The following DGKG variants were observed in gnomAD, a reference collection of about 807,000 sequenced individuals.
DGKG encodes the protein DAG kinase gamma.
DGKG carries 78 observed loss-of-function variants against 105.3 expected under a neutral mutation model. The observed-to-expected ratio is 0.74, with a 90% CI of 0.62 to 0.89. The LOEUF (loss-of-function observed/expected upper bound fraction) is 0.89. DGKG is among the 40% of genes least tolerant of loss of function. DGKG has a pLI of 0.00. For missense variants in DGKG, 958 were observed against 1,020.1 expected (o/e 0.94, Z 0.83); for synonymous variants, 346 against 367.1 (o/e 0.94, Z 0.66).
Position 186,328,964 on chromosome 3 carries a change from G to A in DGKG, c.-248-8257C>T, listed in dbSNP as rs534473916. On this transcript the variant is annotated intron_variant, in intron 1 of 24. Transcript: ENST00000265022. ...CAGATGGTATCCCACGTGACAGCCC[G>A]CCTCTGCCTTCTGCCCTTTGATGAA... Among the ~76,000 whole-genome samples the A allele has an allele frequency of 2.5e-4, 38 of 152,154 alleles. No homozygotes were observed. The South Asian group carries it at 7.3e-3, about 29-fold the overall frequency.
At chr3:186,165,796 G>A (rs191589986) in intron 22 of DGKG, among the ~76,000 whole-genome samples, 7 of 152,370 alleles carry the variant, frequency 4.6e-5, no homozygotes, top group Admixed American at 2.6e-4. Flanking sequence ...TGTGAAAGCA[G>A]TAGCAGGATT....
intron 21 of DGKG, among the ~76,000 whole-genome samples, chr3:186,202,693 A>T (rs1403428360): frequency 6.6e-6 from 1 of 152,252 alleles, no homozygotes; most frequent in Non-Finnish European, 1.5e-5. Flanking sequence ...GGGCTGGGAC[A>T]GAAGTTGGCT....
At chr3:186,268,965 C>T (rs747135891) in intron 11 of DGKG, 48 bp from the exon 12 acceptor site, 3 of 1,373,054 alleles carry the variant, frequency 2.2e-6, no homozygotes, top group South Asian at 1.2e-5. Context: ...AGAACCATGT[C>T]CCCGGGGCCC....
At chr3:186,161,563 A>G (rs1560076010) in intron 24 of DGKG, 40 bp downstream of exon 24, 1 of 1,613,842 alleles carries the variant, frequency 6.2e-7, no homozygotes, top group Non-Finnish European at 8.5e-7. Flanking sequence ...GCTCAAAAAT[A>G]AGGCTTCTCA....
chr3:186,290,438 A>T (rs1376409918), intron 5 of DGKG, among the ~76,000 whole-genome samples: 1 of 152,202 alleles, frequency 6.6e-6, no homozygotes, highest in African/African-American at 2.4e-5. Flanking sequence ...TCTATCAGTG[A>T]CTTCTACCTT....
At chr3:186,261,494 G>A (rs1721772054) in intron 15 of DGKG, among the ~76,000 whole-genome samples, 1 of 152,170 alleles carries the variant, frequency 6.6e-6, no homozygotes, top group African/African-American at 2.4e-5. Flanking sequence ...TGTGAGAGGA[G>A]GAATGATAAT....
rs139929960 is a variant in DGKG, at chr3:186,152,340, C to T, written c.2278-2152G>A. Among the ~76,000 whole-genome samples, 750 of 152,180 alleles carry T rather than the reference C, an allele frequency of 4.9e-3. 1 individual carries two copies. The highest frequency in any genetic ancestry group is 7.7e-3 in the Non-Finnish European group (523 of 67,992). ...ATGTTTATCCCAGGACGCACGGAAG[C>T]GAGGCATAGGCTGGAGACTGGAGAC... On this transcript the variant is annotated intron_variant, in intron 24 of 24. Coordinates refer to ENST00000265022, the MANE Select transcript of DGKG (RefSeq NM_001346.3).
chr3:186,202,007 G>C (rs1399111653), intron 21 of DGKG, among the ~76,000 whole-genome samples: 1 of 152,226 alleles, frequency 6.6e-6, no homozygotes, highest in Admixed American at 6.5e-5. Context: ...ATTGTGAAGG[G>C]CATATGGGCT....
At chr3:186,275,524 A>G in intron 10 of DGKG, 23 bp downstream of exon 10, 1 of 1,589,332 alleles carries the variant, frequency 6.3e-7, no homozygotes. Context: ...CTGGGGGAAG[A>G]GGTTTGAAGG....
intron 2 of DGKG, among the ~76,000 whole-genome samples, chr3:186,311,715 C>T (rs78762931): frequency 0.016 from 2,398 of 152,212 alleles, 33 homozygotes; most frequent in African/African-American, 0.039. Flanking sequence ...GACAGGGGTG[C>T]GTTCCATCTG....
chr3:186,250,322 C>T (rs576268367), intron 19 of DGKG, among the ~76,000 whole-genome samples: 1 of 151,878 alleles, frequency 6.6e-6, no homozygotes, highest in African/African-American at 2.4e-5. Flanking sequence ...CACACTGGGG[C>T]CTGTGGGGAT....
chr3:186,268,501 A>G (rs893365441), intron 12 of DGKG, among the ~76,000 whole-genome samples: 1 of 152,164 alleles, frequency 6.6e-6, no homozygotes, highest in Non-Finnish European at 1.5e-5. Flanking sequence ...TAGCCAGGTA[A>G]AAGAAGTTCA....
intron 2 of DGKG, chr3:186,313,537 A>G: frequency 1.0e-6 from 1 of 985,354 alleles, no homozygotes; most frequent in Non-Finnish European, 1.2e-6. Flanking sequence ...AATGGATCAG[A>G]CAACTTGGAC....
chr3:186,336,650 T>C (rs1725844811), intron 1 of DGKG, among the ~76,000 whole-genome samples: 1 of 152,062 alleles, frequency 6.6e-6, no homozygotes, highest in South Asian at 2.1e-4. Flanking sequence ...CTGGACAGTT[T>C]TGGTTAAAAG....
At chr3:186,337,634 A>T (rs1055265334) in intron 1 of DGKG, among the ~76,000 whole-genome samples, 19 of 152,206 alleles carry the variant, frequency 1.2e-4, no homozygotes, top group South Asian at 4.1e-4. Context: ...AATGCAATTA[A>T]ATAAGACAAA....
At chr3:186,291,533 T>C (rs1191292555) in intron 5 of DGKG, among the ~76,000 whole-genome samples, 1 of 152,164 alleles carries the variant, frequency 6.6e-6, no homozygotes, top group East Asian at 1.9e-4. Context: ...TTGTGGAATA[T>C]CTATGTATTA....
At chr3:186,288,589 A>G (rs1407415485) in intron 6 of DGKG, 121 bp downstream of exon 6, 1 of 1,058,082 alleles carries the variant, frequency 9.5e-7, no homozygotes, top group Non-Finnish European at 1.4e-6. Flanking sequence ...AACCTCCCCA[A>G]AGAGGCGGGA....
Position 186,161,789 on chromosome 3 carries a change from C to T in DGKG, c.2217-126G>A, listed in dbSNP as rs534643965. 9.9e-5 allele frequency: 140 copies of T among 1,416,312 alleles called. 1 individual carries two copies. In the African/African-American group the frequency reaches 1.1e-3, roughly 12 times the overall value. The allele number at this position is 1,416,312 out of a possible 1,614,324, so 87.7% of individuals were successfully genotyped here. On this transcript the variant is annotated intron_variant, in intron 23 of 24. Transcript: ENST00000265022. Reference sequence around the variant, plus strand: ...TACCTAAGTGTGGTTCTCTAAGACTCTTTTGGAGAACTTGTTAAAAATAGA... The same window carrying T: ...TACCTAAGTGTGGTTCTCTAAGACTTTTTTGGAGAACTTGTTAAAAATAGA...
intron 20 of DGKG, among the ~76,000 whole-genome samples, chr3:186,238,836 G>C (rs1394041917): frequency 6.6e-6 from 1 of 152,000 alleles, no homozygotes; most frequent in Non-Finnish European, 1.5e-5. Flanking sequence ...TGGTTTTCTG[G>C]AACCCACTAT....
Sources: allele counts gnomAD v4.1 joint callset (sites outside exome capture counted in the v4.1 genomes callset), GRCh38; gene constraint gnomAD v4.1.1; transcripts MANE v1.5; gene names NCBI Gene and HGNC (gene_info 2026-07-23, HGNC 2026-07-21).